The following PGBD1 variants were observed in gnomAD, a reference collection of about 807,000 sequenced individuals.
PGBD1 encodes the protein piggyBac transposable element-derived protein 1.
In PGBD1, 25 loss-of-function variants were observed where a neutral mutation model predicts 34.7. The observed-to-expected ratio is 0.72, with a 90% CI of 0.52 to 1.00. The LOEUF is 1.00. Among genes scored for constraint, PGBD1 ranks in the 50% least tolerant of loss-of-function variants. The pLI is 0.00. For synonymous variants in PGBD1, 292 were observed against 335.7 expected (o/e 0.87, Z 1.42); for missense variants, 830 against 959.4 (o/e 0.87, Z 1.78).
intron 5 of PGBD1, 64 bp from the exon 6 acceptor site, chr6:28,297,831 T>G (rs1029082559): frequency 2.9e-5 from 9 of 307,306 alleles, no homozygotes; most frequent in Admixed American, 1.0e-4. Flanking sequence ...TTTTTTTTTT[T>G]TTTTTTTTTT....
At chr6:28,297,850 ATTCACAT>A in intron 5 of PGBD1, 38 bp from the exon 6 acceptor site, 1 of 391,902 alleles carries the variant, frequency 2.6e-6, no homozygotes, top group Non-Finnish European at 4.6e-6. Flanking sequence ...TTTTTTCAAA[ATTCACAT>A]AACAGATGAC....
intron 4 of PGBD1, among the ~76,000 whole-genome samples, chr6:28,289,633 C>T (rs1762387883): frequency 6.6e-6 from 1 of 152,332 alleles, no homozygotes; most frequent in East Asian, 1.9e-4. Context: ...GACACAGTGG[C>T]TCATGCCTGT....
At chr6:28,283,286 A>G (rs1418742438) in intron 1 of PGBD1, among the ~76,000 whole-genome samples, 1 of 152,222 alleles carries the variant, frequency 6.6e-6, no homozygotes, top group East Asian at 1.9e-4. Flanking sequence ...GATTCAAGGG[A>G]AGGAAAAAGA....
At chr6:28,298,369 G>A (rs889264525) in intron 6 of PGBD1, among the ~76,000 whole-genome samples, 13 of 152,168 alleles carry the variant, frequency 8.5e-5, no homozygotes, top group Admixed American at 3.9e-4. Context: ...AGAAATGTCA[G>A]AGTGGAAGAG....
At position 28,300,639 on chromosome 6, in the gene PGBD1, A is replaced by G; in HGVS notation, c.870-85A>G. Reference sequence around the variant, plus strand: ...TCCCCCCACACCCACCCCAAGCCCCAAAAGATTTAAGCTTCAGCAGATTTA... The same window carrying G: ...TCCCCCCACACCCACCCCAAGCCCCGAAAGATTTAAGCTTCAGCAGATTTA... On this transcript the variant is annotated intron_variant, in intron 6 of 6. Coordinates refer to ENST00000682144, the MANE Select transcript of PGBD1 (RefSeq NM_032507.4). This position sits in a 1 kb window ranked among gnomAD's most constrained non-coding sequence, Gnocchi z 4.0. 2 of 1,162,470 alleles carry G rather than the reference A, an allele frequency of 1.7e-6. No individual in the cohort carries two copies. Among genetic ancestry groups the G allele is most frequent in the South Asian group, 3.0e-5 (2 of 66,218 alleles). The allele number at this position is 1,162,470 out of a possible 1,614,324, so 72.0% of individuals were successfully genotyped here.
Position 28,300,683 on chromosome 6 carries a change from G to A in PGBD1, c.870-41G>A. On this transcript the variant is annotated intron_variant, in intron 6 of 6. Coordinates refer to ENST00000682144, the MANE Select transcript of PGBD1 (RefSeq NM_032507.4). This position sits in a 1 kb window ranked among gnomAD's most constrained non-coding sequence, Gnocchi z 4.0. Reference sequence around the variant, plus strand: ...AGATTTATCATGTGTGAGAGAATATGATTGAGGATTTTTATAACATGTTCT... The same window carrying A: ...AGATTTATCATGTGTGAGAGAATATAATTGAGGATTTTTATAACATGTTCT... The A allele has an allele frequency of 6.4e-7, 1 of 1,560,458 alleles. No individual in the cohort carries two copies. The highest frequency in any genetic ancestry group is 8.7e-7 in the Non-Finnish European group (1 of 1,155,046).
chr6:28,295,339 A>G (rs1762595203), intron 4 of PGBD1, among the ~76,000 whole-genome samples: 1 of 152,250 alleles, frequency 6.6e-6, no homozygotes, highest in Admixed American at 6.5e-5. Context: ...AAATAAACGT[A>G]GTTGATAAAG....
At chr6:28,291,333 G>A (rs1042918360) in intron 4 of PGBD1, among the ~76,000 whole-genome samples, 4 of 151,796 alleles carry the variant, frequency 2.6e-5, no homozygotes, top group Non-Finnish European at 5.9e-5. Context: ...CAATAAATTT[G>A]AAAACCTGGA....
chr6:28,282,492 A>G (rs1241962336), intron 1 of PGBD1, among the ~76,000 whole-genome samples: 2 of 152,200 alleles, frequency 1.3e-5, no homozygotes, highest in Non-Finnish European at 1.5e-5. Context: ...CAGTGACCAT[A>G]GAAGCGGGGA....
At position 28,288,817 on chromosome 6, in the gene PGBD1, G is replaced by A. The variant is rs1008588356; in HGVS notation, c.642+1649G>A. 5.9e-5 allele frequency among the ~76,000 whole-genome samples: 9 copies of A among 151,918 alleles called. 1 individual carries two copies. The South Asian group carries it at 1.5e-3, about 25-fold the overall frequency. On this transcript the variant is annotated intron_variant, in intron 4 of 6. Transcript: ENST00000682144. ...AGCCTGGCCTACCTGGCAAAACCCC[G>A]TCTCTACTAAAAATACAAAAAAAAG...
chr6:28,293,226 C>T (rs1347107727), intron 4 of PGBD1, among the ~76,000 whole-genome samples: 1 of 152,160 alleles, frequency 6.6e-6, no homozygotes, highest in Non-Finnish European at 1.5e-5. Flanking sequence ...CAGGCATGAG[C>T]CACCACGCCA....
At chr6:28,297,037 AG>A in intron 5 of PGBD1, 92 bp downstream of exon 5, 1 of 1,441,960 alleles carries the variant, frequency 6.9e-7, no homozygotes, top group Non-Finnish European at 9.5e-7. Flanking sequence ...CGTTTCCTAC[AG>A]ACCCACACCC....
Position 28,286,380 on chromosome 6 carries a change from A to G in PGBD1, c.553+673A>G, listed in dbSNP as rs577777265. On this transcript the variant is annotated intron_variant, in intron 3 of 6. Coordinates refer to ENST00000682144, the MANE Select transcript of PGBD1 (RefSeq NM_032507.4). The stretch of plus-strand genomic sequence containing the variant: ...ATTTAATAGGTTATTCAGTTAATCA[A>G]CAATTATCTGTTTGATCTCTGTGTG... Among the ~76,000 whole-genome samples the G allele has an allele frequency of 2.6e-5, 4 of 152,346 alleles. No homozygotes were observed. In the East Asian group the frequency reaches 5.8e-4, roughly 22 times the overall value.
rs1762863943 is a variant in PGBD1 at position 28,302,032 on chromosome 6, A to G, written c.2178A>G (p.Pro726=). 1.9e-6 allele frequency: 3 copies of G among 1,614,206 alleles called. No individual in the cohort carries two copies. The highest frequency in any genetic ancestry group is 2.5e-6 in the Non-Finnish European group (3 of 1,180,038). ...AAGAAATCCCTCAGATAAGTCAACCATCCATAGTAAAAGTGTATGATGAAT... is the reference window on the plus strand; with the variant it reads ...AAGAAATCCCTCAGATAAGTCAACCGTCCATAGTAAAAGTGTATGATGAAT... ...DNEEIPQISQ[P]SIVKVYDECK... The change falls in exon 7 of 7, where the codon CCA becomes CCG. Residue 726 remains proline, a synonymous_variant. Coordinates refer to ENST00000682144, the MANE Select transcript of PGBD1 (RefSeq NM_032507.4).
intron 3 of PGBD1, among the ~76,000 whole-genome samples, chr6:28,286,281 C>T (rs1762282794): frequency 6.6e-6 from 1 of 152,182 alleles, no homozygotes; most frequent in African/African-American, 2.4e-5. Flanking sequence ...GTTAGAATTA[C>T]CACATGTGCT....
In PGBD1 at chr6:28,302,185, A is replaced by C. The variant is rs116321682; in HGVS notation, c.2331A>C (p.Leu777=). The C allele has an allele frequency of 2.4e-5, 38 of 1,614,078 alleles. No individual in the cohort carries two copies. In the East Asian group the frequency reaches 5.8e-4, roughly 25 times the overall value. ...IDVAMNNAWQ[L]HRACNPGASL... ...TAGCCATGAACAATGCATGGCAACT[A>C]CACAGAGCCTGTAACCCAGGTGCTT... The change falls in exon 7 of 7, where the codon CTA becomes CTC. Residue 777 remains leucine (L), a synonymous_variant. Coordinates refer to ENST00000682144, the MANE Select transcript of PGBD1 (RefSeq NM_032507.4).
Position 28,301,867 on chromosome 6 carries a change from A to T in PGBD1, c.2013A>T (p.Arg671Ser). 3 of 1,614,090 alleles carry T rather than the reference A, an allele frequency of 1.9e-6. No homozygotes were observed. Among genetic ancestry groups the T allele is most frequent in the Middle Eastern group, 1.6e-4 (1 of 6,062 alleles). ...TAGAACATATGAAAAAAATGAAGAG[A>T]GGGTATTTTGATTTCCGAATAGAAG... is the stretch of plus-strand genomic sequence containing the variant. Reference protein sequence around the residue: ...MNVEHMKKMKRGYFDFRIEEN... With the variant: ...MNVEHMKKMKSGYFDFRIEEN... Residue 671 changes from arginine (R) to serine (S), a missense_variant, in exon 7 of 7, where the codon AGA becomes AGT. Around this residue, in one of 3 missense-constraint regions of PGBD1, gnomAD observed 372 missense variants for 427.9 expected, o/e 0.87. Coordinates refer to ENST00000682144, the MANE Select transcript of PGBD1 (RefSeq NM_032507.4).
chr6:28,302,448 C>T lies in PGBD1; in HGVS notation c.*164C>T. ...TATAGAGTTTCAAAGACTATTGTAA[C>T]AAGTAATGTTAAAAATTGTCTGTGA... On this transcript the variant is annotated 3_prime_UTR_variant, in exon 7 of 7. Coordinates refer to ENST00000682144, the MANE Select transcript of PGBD1 (RefSeq NM_032507.4). 2.7e-6 allele frequency: 2 copies of T among 730,832 alleles called. No individual in the cohort carries two copies. The highest frequency in any genetic ancestry group is 2.6e-5 in the South Asian group (1 of 38,728). The allele number at this position is 730,832 out of a possible 1,614,324, so 45.3% of individuals were successfully genotyped here.
chr6:28,286,708 T>C (rs974662125), intron 3 of PGBD1, among the ~76,000 whole-genome samples: 2 of 152,174 alleles, frequency 1.3e-5, no homozygotes, highest in East Asian at 3.8e-4. Flanking sequence ...CTCATCTCTC[T>C]ACTCTCTACA....
Sources: gnomAD v4.1 joint callset for allele counts (sites outside exome capture counted in the v4.1 genomes callset) on GRCh38, gnomAD v4.1.1 for gene constraint, gnomAD v4.1.1 regional missense constraint, Gnocchi (gnomAD v3.1) non-coding constraint, MANE v1.5 for transcripts, NCBI Gene and HGNC (gene_info 2026-07-23, HGNC 2026-07-21) for gene names.